Variants in ZNF536 observed in about 807,000 individuals in gnomAD.
ZNF536 encodes zinc finger protein 536.
A neutral mutation model predicts 84.5 loss-of-function variants in ZNF536; 13 were observed. The ratio of observed to expected loss-of-function variants is 0.15; its 90% CI spans 0.10 to 0.24. The LOEUF is 0.24. ZNF536 is among the 10% of genes least tolerant of loss of function. ZNF536 has a pLI of 1.00. For missense variants in ZNF536, 1,536 were observed against 1,747.5 expected (o/e 0.88, Z 2.16); for synonymous variants, 811 against 742.5 (o/e 1.09, Z -1.50).
intron 2 of ZNF536, among the ~76,000 whole-genome samples, chr19:30,470,456 C>A (rs1433298816): frequency 6.8e-6 from 1 of 146,372 alleles, no homozygotes; most frequent in Non-Finnish European, 1.5e-5. Flanking sequence ...ATCCATAATA[C>A]CACATTACAT....
chr19:30,705,028 G>T (rs2052167916), intron 1 of ZNF536, among the ~76,000 whole-genome samples: 1 of 151,812 alleles, frequency 6.6e-6, no homozygotes, highest in Admixed American at 6.6e-5. Flanking sequence ...AAATGGTAGA[G>T]AGACATTTGG....
At chr19:30,415,765 C>G (rs914765143) in intron 1 of ZNF536, among the ~76,000 whole-genome samples, 2 of 152,080 alleles carry the variant, frequency 1.3e-5, no homozygotes, top group African/African-American at 2.4e-5. Flanking sequence ...TGCCCACCAC[C>G]GTGCCCGGCT....
chr19:30,434,889 A>G (rs1433457179), intron 1 of ZNF536, among the ~76,000 whole-genome samples: 1 of 138,336 alleles, frequency 7.2e-6, no homozygotes, highest in African/African-American at 2.8e-5. Flanking sequence ...GGTAGTGATG[A>G]TGCTGCTGAT....
chr19:30,399,399 T>A (rs1442979675), intron 1 of ZNF536, among the ~76,000 whole-genome samples: 1 of 152,190 alleles, frequency 6.6e-6, no homozygotes, highest in Non-Finnish European at 1.5e-5. Flanking sequence ...TCTTTTGCTG[T>A]GCAGAAGCTC....
At chr19:30,494,856 G>C (rs981093909) in intron 2 of ZNF536, among the ~76,000 whole-genome samples, 2 of 145,388 alleles carry the variant, frequency 1.4e-5, no homozygotes, top group African/African-American at 5.2e-5. Context: ...TGAGGCAGGA[G>C]AATTGCCTGA....
chr19:30,317,509 T>C (rs1881418307), intron 2 of ZNF536, among the ~76,000 whole-genome samples: 1 of 151,808 alleles, frequency 6.6e-6, no homozygotes, highest in Admixed American at 6.6e-5. Flanking sequence ...GCCCGAGGAG[T>C]GGGTGCCTCT....
chr19:30,298,548 C>T (rs185421818), intron 2 of ZNF536, among the ~76,000 whole-genome samples: 53 of 152,312 alleles, frequency 3.5e-4, no homozygotes, highest in Admixed American at 2.0e-4. Context: ...TGCAGAAGAA[C>T]GGTGTGCTGA....
At chr19:30,236,382 C>T (rs775236525) in intron 1 of ZNF536, among the ~76,000 whole-genome samples, 10 of 152,224 alleles carry the variant, frequency 6.6e-5, no homozygotes, top group Non-Finnish European at 8.8e-5. Context: ...ATTGGTTTGA[C>T]AACTTCATAT....
intron 1 of ZNF536, among the ~76,000 whole-genome samples, chr19:30,378,911 GT>G (rs955388956): frequency 6.6e-5 from 10 of 152,308 alleles, no homozygotes; most frequent in African/African-American, 2.4e-4. Flanking sequence ...AGGGACAAAG[GT>G]GTGGGCCTGT....
At chr19:30,481,320 T>A (rs1259053626) in intron 2 of ZNF536, among the ~76,000 whole-genome samples, 2 of 152,216 alleles carry the variant, frequency 1.3e-5, no homozygotes, top group African/African-American at 4.8e-5. Flanking sequence ...TTTTCAAATC[T>A]CATCTCTCTG....
At chr19:30,669,690 G>C (rs2147705541) in intron 1 of ZNF536, among the ~76,000 whole-genome samples, 1 of 152,370 alleles carries the variant, frequency 6.6e-6, no homozygotes, top group Admixed American at 6.5e-5. Flanking sequence ...TTGCAGGGGG[G>C]CTGCGTGGGG....
chr19:30,511,660 G>A (rs1305684427), intron 2 of ZNF536, among the ~76,000 whole-genome samples: 1 of 152,170 alleles, frequency 6.6e-6, no homozygotes, highest in East Asian at 1.9e-4. Flanking sequence ...AGACATTAAA[G>A]TGTTACAAAT....
chr19:30,305,867 G>A (rs1409314325), intron 2 of ZNF536, among the ~76,000 whole-genome samples: 2 of 152,236 alleles, frequency 1.3e-5, no homozygotes, highest in Non-Finnish European at 2.9e-5. Context: ...GCCATCAGGC[G>A]CCCTGTCCTC....
At chr19:30,565,652 C>A (rs963485258) in intron 1 of ZNF536, among the ~76,000 whole-genome samples, 1 of 152,128 alleles carries the variant, frequency 6.6e-6, no homozygotes, top group Non-Finnish European at 1.5e-5. Context: ...GAATAGTGAA[C>A]GCTGTACACA....
At chr19:30,697,740 C>T (rs149704238) in intron 1 of ZNF536, among the ~76,000 whole-genome samples, 24 of 152,262 alleles carry the variant, frequency 1.6e-4, no homozygotes, top group African/African-American at 5.5e-4. Context: ...AGGGCAGTGG[C>T]GATTTCTCAA....
intron 1 of ZNF536, among the ~76,000 whole-genome samples, chr19:30,615,144 A>G (rs1217152781): frequency 6.8e-6 from 1 of 146,894 alleles, no homozygotes; most frequent in Non-Finnish European, 1.5e-5. Flanking sequence ...ACGGGGTTTC[A>G]CCGTGTTAGC....
intron 1 of ZNF536, among the ~76,000 whole-genome samples, chr19:30,263,543 T>C (rs2025337423): frequency 6.6e-6 from 1 of 152,144 alleles, no homozygotes. Context: ...GATATAAAGG[T>C]AATGCCACTA....
rs2047259063 is a variant in ZNF536, at chr19:30,332,898, T to C, written c.-119-19470T>C. On this transcript the variant is annotated intron_variant, in intron 2 of 5. Coordinates refer to the ZNF536 transcript ENST00000585628. ...GAGCTCTAGACCAGCTTGGGCAATATGGTGAAACCCATGTCTCTACAAAAA... is the reference window on the plus strand; with the variant it reads ...GAGCTCTAGACCAGCTTGGGCAATACGGTGAAACCCATGTCTCTACAAAAA... 2.0e-5 allele frequency among the ~76,000 whole-genome samples: 3 copies of C among 152,170 alleles called. No homozygotes were observed. The South Asian group carries it at 6.2e-4, about 32-fold the overall frequency.
chr19:30,459,774 C>T (rs150339768), intron 2 of ZNF536, among the ~76,000 whole-genome samples: 344 of 152,264 alleles, frequency 2.3e-3, no homozygotes, highest in Admixed American at 5.8e-3. Flanking sequence ...TTGCATCAGG[C>T]TCTCTTCGCT....
Sources: allele counts gnomAD v4.1 joint callset (sites outside exome capture counted in the v4.1 genomes callset), GRCh38; gene constraint gnomAD v4.1.1; transcripts MANE v1.5; gene names NCBI Gene and HGNC (gene_info 2026-07-23, HGNC 2026-07-21).